PPM1H: variants seen among roughly 807,000 people sequenced by gnomAD.
PPM1H encodes the protein protein phosphatase, Mg2+/Mn2+ dependent 1H, also known as protein phosphatase 1H.
Under a neutral mutation model 54.9 loss-of-function variants are expected in PPM1H, and 27 were observed. That is an observed-to-expected ratio of 0.49 (90% CI 0.36 to 0.68). The LOEUF (loss-of-function observed/expected upper bound fraction) is 0.68, where lower values mean the gene tolerates loss of function less well. Ranked by LOEUF, PPM1H falls within the 30% of genes least tolerant of loss-of-function variation. PPM1H has a pLI of 0.00. For missense variants in PPM1H, 596 were observed against 667.8 expected (o/e 0.89, Z 1.19); for synonymous variants, 305 against 270.8 (o/e 1.13, Z -1.24).
chr12:62,753,688 G>T (rs1306494531), intron 4 of PPM1H, among the ~76,000 whole-genome samples: 2 of 152,196 alleles, frequency 1.3e-5, no homozygotes, highest in Non-Finnish European at 2.9e-5. Flanking sequence ...TCTTTTTTGA[G>T]ATGCACAGGC....
chr12:62,920,376 G>A (rs1871755615), intron 1 of PPM1H, among the ~76,000 whole-genome samples: 1 of 151,986 alleles, frequency 6.6e-6, no homozygotes, highest in Non-Finnish European at 1.5e-5. Context: ...ACCCAAGCTG[G>A]AGTGTGGTAG....
rs2075781115 is a variant in PPM1H at position 62,645,766 on chromosome 12, G to GACTT, written c.*2719_*2722dup. The GACTT allele has an allele frequency of 6.6e-6, 1 of 152,116 alleles. No individual in the cohort carries two copies. The highest frequency in any genetic ancestry group is 2.4e-5 in the African/African-American group (1 of 41,402). 9.4% of individuals were successfully genotyped at this position (152,116 alleles called of 1,614,324 possible). A position where few individuals can be genotyped will look rare whatever the true frequency, so the allele number is the denominator to read the frequency against. ...AAATCAAAAGGTTTTTATTAAACAA[G>GACTT]ACTTCCTCTGAGGCTATTCGAGCAA... On this transcript the variant is annotated 3_prime_UTR_variant, in exon 10 of 10. Coordinates refer to ENST00000228705, the MANE Select transcript of PPM1H (RefSeq NM_020700.2).
At chr12:62,836,805 G>A (rs1443340416) in intron 1 of PPM1H, among the ~76,000 whole-genome samples, 2 of 152,146 alleles carry the variant, frequency 1.3e-5, no homozygotes, top group Admixed American at 6.5e-5. Flanking sequence ...AGAAGAACAA[G>A]ACACATCTGC....
intron 8 of PPM1H, among the ~76,000 whole-genome samples, chr12:62,674,941 T>C (rs1257616639): frequency 2.6e-5 from 4 of 152,134 alleles, no homozygotes; most frequent in Middle Eastern, 3.2e-3. Flanking sequence ...TAGGCCTAGG[T>C]GGCCAATGGG....
chr12:62,696,153 A>C (rs1009159987), intron 6 of PPM1H, among the ~76,000 whole-genome samples: 2 of 152,240 alleles, frequency 1.3e-5, no homozygotes, highest in Non-Finnish European at 2.9e-5. Flanking sequence ...ACAGGCTTAG[A>C]GAAGTAGTAA....
intron 2 of PPM1H, among the ~76,000 whole-genome samples, chr12:62,829,292 T>C (rs1048502487): frequency 3.3e-5 from 5 of 152,138 alleles, no homozygotes; most frequent in Non-Finnish European, 5.9e-5. Flanking sequence ...TCTACTTATG[T>C]GAGGTACCTG....
chr12:62,854,665 C>T (rs996143644), intron 1 of PPM1H, among the ~76,000 whole-genome samples: 7 of 152,078 alleles, frequency 4.6e-5, no homozygotes, highest in African/African-American at 1.7e-4. Context: ...GTAGATTCAT[C>T]GTAAGTAATC....
At chr12:62,807,232 C>CA (rs1007122713) in intron 2 of PPM1H, among the ~76,000 whole-genome samples, 38 of 149,894 alleles carry the variant, frequency 2.5e-4, no homozygotes, top group East Asian at 7.8e-4. Flanking sequence ...ATAAGTGTAA[C>CA]AAAAAAAAAC....
At chr12:62,668,233 G>A (rs2075931549) in intron 8 of PPM1H, among the ~76,000 whole-genome samples, 1 of 152,172 alleles carries the variant, frequency 6.6e-6, no homozygotes, top group South Asian at 2.1e-4. Flanking sequence ...GGGATAGGGA[G>A]GTGTGGAGAG....
intron 1 of PPM1H, among the ~76,000 whole-genome samples, chr12:62,875,097 C>T (rs1414257186): frequency 1.3e-5 from 2 of 150,866 alleles, no homozygotes; most frequent in African/African-American, 5.0e-5. Flanking sequence ...TTAGTAGGAC[C>T]CTCTTTTATA....
chr12:62,702,544 CAGAGAGAG>C (rs66497730), intron 6 of PPM1H, among the ~76,000 whole-genome samples: 1,691 of 140,728 alleles, frequency 0.012, 32 homozygotes, highest in African/African-American at 0.043. Context: ...CCTTGAGCTA[CAGAGAGAG>C]AGAGAGAGAG....
chr12:62,924,505 G>T (rs1871910880), intron 1 of PPM1H, among the ~76,000 whole-genome samples: 1 of 152,152 alleles, frequency 6.6e-6, no homozygotes, highest in Non-Finnish European at 1.5e-5. Context: ...AAACATAGGT[G>T]AACAGTGACA....
intron 9 of PPM1H, among the ~76,000 whole-genome samples, chr12:62,650,192 A>C (rs78839469): frequency 0.022 from 3,364 of 152,322 alleles, 116 homozygotes; most frequent in African/African-American, 0.075. Flanking sequence ...GAAGATTCCA[A>C]GTTGTTCAGT....
At chr12:62,677,401 T>TG (rs2075993826) in intron 8 of PPM1H, among the ~76,000 whole-genome samples, 1 of 152,168 alleles carries the variant, frequency 6.6e-6, no homozygotes, top group Non-Finnish European at 1.5e-5. Flanking sequence ...CATGGCCCTT[T>TG]GGGGAACCCA....
chr12:62,834,190 G>A (rs985170854), intron 1 of PPM1H, among the ~76,000 whole-genome samples: 6 of 152,112 alleles, frequency 3.9e-5, no homozygotes, highest in African/African-American at 9.7e-5. Flanking sequence ...AATTGGCCTC[G>A]GGGGCTTATC....
At chr12:62,662,162 C>A (rs2075888032) in intron 9 of PPM1H, among the ~76,000 whole-genome samples, 1 of 152,166 alleles carries the variant, frequency 6.6e-6, no homozygotes, top group Admixed American at 6.5e-5. Context: ...ATTTATCACT[C>A]TGGAGGAAGG....
intron 2 of PPM1H, among the ~76,000 whole-genome samples, chr12:62,804,887 G>A (rs1158272543): frequency 6.6e-6 from 1 of 151,418 alleles, no homozygotes; most frequent in African/African-American, 2.4e-5. Flanking sequence ...GTTTTAGCTG[G>A]GATGGTCTCG....
At chr12:62,824,138 C>A (rs1411812354) in intron 2 of PPM1H, among the ~76,000 whole-genome samples, 1 of 151,992 alleles carries the variant, frequency 6.6e-6, no homozygotes, top group Non-Finnish European at 1.5e-5. Flanking sequence ...CATGAGTGAA[C>A]TCCCATTCAC....
chr12:62,882,768 G>T (rs1870441373), intron 1 of PPM1H, among the ~76,000 whole-genome samples: 1 of 152,202 alleles, frequency 6.6e-6, no homozygotes, highest in Non-Finnish European at 1.5e-5. Context: ...TTTCAGAAAT[G>T]CAAGTCTGAT....
Sources: gnomAD v4.1 joint callset for allele counts (sites outside exome capture counted in the v4.1 genomes callset) on GRCh38, gnomAD v4.1.1 for gene constraint, MANE v1.5 for transcripts, NCBI Gene and HGNC (gene_info 2026-07-23, HGNC 2026-07-21) for gene names.